Variants in CDKL3 observed in about 807,000 individuals in gnomAD.
CDKL3 encodes cyclin dependent kinase like 3.
Under a neutral mutation model 69.3 loss-of-function variants are expected in CDKL3, and 65 were observed. That is an observed-to-expected ratio of 0.94 (90% CI 0.77 to 1.15). CDKL3 has a LOEUF of 1.15. Ranked by LOEUF, CDKL3 falls within the 50% of genes most tolerant of loss-of-function variation. CDKL3 has a pLI of 0.00. For synonymous variants in CDKL3, 202 were observed against 221.6 expected, an observed-to-expected ratio of 0.91 and a Z score of 0.79; for missense variants, 652 against 689.2, an observed-to-expected ratio of 0.95 and a Z score of 0.61.
intron 10 of CDKL3, among the ~76,000 whole-genome samples, chr5:134,304,861 G>A (rs1767356792): frequency 6.7e-6 from 1 of 149,518 alleles, no homozygotes; most frequent in South Asian, 2.1e-4. Flanking sequence ...TATTTTGAGT[G>A]CATTGGCATG....
intron 8 of CDKL3, among the ~76,000 whole-genome samples, chr5:134,288,228 A>G (rs1764962066): frequency 1.3e-5 from 2 of 152,192 alleles, no homozygotes; most frequent in South Asian, 4.1e-4. Context: ...CTAACACTCA[A>G]AAACTCTGAG....
intron 4 of CDKL3, among the ~76,000 whole-genome samples, chr5:134,324,563 A>G (rs1773617970): frequency 6.6e-6 from 1 of 152,206 alleles, no homozygotes; most frequent in Non-Finnish European, 1.5e-5. Flanking sequence ...GGAACCTTAA[A>G]TATATATTGC....
intron 6 of CDKL3, chr5:134,319,096 G>A (rs925497228): frequency 4.9e-5 from 12 of 242,516 alleles, no homozygotes; most frequent in South Asian, 1.2e-4. Context: ...CGAGGTGGGC[G>A]GATCACCTAA....
At chr5:134,285,040 T>C (rs184733316), downstream of CDKL3, among the ~76,000 whole-genome samples, 8 of 152,334 alleles carry the variant, frequency 5.3e-5, no homozygotes, top group East Asian at 1.3e-3. Flanking sequence ...AGAGTATTGA[T>C]TGGGGAAGTG....
Position 134,310,278 on chromosome 5 carries a change from C to G in CDKL3, c.882-1551G>C, listed in dbSNP as rs1012463947. 2.0e-5 allele frequency among the ~76,000 whole-genome samples: 3 copies of G among 150,938 alleles called. No homozygotes were observed. In the South Asian group the frequency reaches 6.3e-4, roughly 32 times the overall value. On this transcript the variant is annotated intron_variant, in intron 7 of 12. Coordinates refer to ENST00000265334, the MANE Select transcript of CDKL3 (RefSeq NM_001113575.2). Reference sequence around the variant, plus strand: ...TCCACTCACTGCAAGCTCTGCCTCCCGTGTTCACACCATTCTCCTGCCTCA... The same window carrying G: ...TCCACTCACTGCAAGCTCTGCCTCCGGTGTTCACACCATTCTCCTGCCTCA...
chr5:134,287,036 A>G (rs1764900334), intron 8 of CDKL3, among the ~76,000 whole-genome samples: 1 of 152,208 alleles, frequency 6.6e-6, no homozygotes, highest in Non-Finnish European at 1.5e-5. Context: ...CTCTCAAGGA[A>G]CAGGGAAGAG....
intron 3 of CDKL3, among the ~76,000 whole-genome samples, chr5:134,354,226 C>T (rs1754007927): frequency 6.6e-6 from 1 of 152,160 alleles, no homozygotes; most frequent in African/African-American, 2.4e-5. Context: ...TCCGTGAGGG[C>T]AATATACACA....
intron 3 of CDKL3, among the ~76,000 whole-genome samples, chr5:134,356,248 A>G (rs138653419): frequency 3.0e-4 from 45 of 152,300 alleles, no homozygotes; most frequent in African/African-American, 1.0e-3. Context: ...TCGCACTCCT[A>G]TAAGAATTTA....
At position 134,366,967 on chromosome 5, in the gene CDKL3, G is replaced by A; in HGVS notation, c.-22+10C>T. The stretch of plus-strand genomic sequence containing the variant: ...CCGCAACTCAAACCACACGTCTTAG[G>A]ATGCCGGACCGGCGTCACGCCCCAC... On this transcript the variant is annotated intron_variant, in intron 1 of 12. Transcript: ENST00000265334. The A allele has an allele frequency of 1.3e-5, 13 of 989,618 alleles. No homozygotes were observed. Among genetic ancestry groups the A allele is most frequent in the Non-Finnish European group, 1.6e-5 (13 of 832,664 alleles). 61.3% of individuals were successfully genotyped at this position (989,618 alleles called of 1,614,324 possible). A position where few individuals can be genotyped will look rare whatever the true frequency, so the allele number is the denominator to read the frequency against.
chr5:134,370,514 T>C (rs1465918036), upstream of CDKL3, among the ~76,000 whole-genome samples: 2 of 152,232 alleles, frequency 1.3e-5, no homozygotes, highest in Non-Finnish European at 2.9e-5. Flanking sequence ...CTCATTGATA[T>C]GCTTGGAAGA....
chr5:134,337,403 T>C (rs1435877360), intron 4 of CDKL3, among the ~76,000 whole-genome samples: 1 of 152,190 alleles, frequency 6.6e-6, no homozygotes, highest in Non-Finnish European at 1.5e-5. Context: ...GGTACCTTAG[T>C]TGGAAATGCA....
chr5:134,288,524 T>G (rs1764979302), intron 8 of CDKL3, among the ~76,000 whole-genome samples: 1 of 152,222 alleles, frequency 6.6e-6, no homozygotes, highest in Non-Finnish European at 1.5e-5. Flanking sequence ...TGGTGACCAG[T>G]GCACAGATAC....
In CDKL3 at chr5:134,366,509, T is replaced by G; in HGVS notation, c.15A>C (p.Glu5Asp). MEMY[E>D]TLGKVGEGSY... ...TTCCCTCTCCCACTTTTCCAAGGGT[T>G]TCATACATCTCCATTTTCAAGCTGG... The change falls in exon 2 of 13, where the codon GAA (glutamate) becomes GAC (aspartate). Residue 5 changes from glutamate to aspartate, a missense_variant. Coordinates refer to ENST00000265334, the MANE Select transcript of CDKL3 (RefSeq NM_001113575.2). The G allele has an allele frequency of 6.2e-7, 1 of 1,601,272 alleles. No homozygotes were observed. Among genetic ancestry groups the G allele is most frequent in the South Asian group, 1.1e-5 (1 of 87,656 alleles).
intron 1 of CDKL3, 146 bp downstream of exon 1, chr5:134,366,831 A>C: frequency 1.1e-6 from 1 of 908,138 alleles, no homozygotes. Flanking sequence ...ACCATCCATC[A>C]AGCATGGGGT....
At chr5:134,368,927 G>A (rs3756741), upstream of CDKL3, among the ~76,000 whole-genome samples, 20,451 of 152,016 alleles carry the variant, frequency 0.13, 1,658 homozygotes, top group African/African-American at 0.21. Flanking sequence ...CTACTTGGGC[G>A]TCTGAAGGAG....
chr5:134,326,053 G>A (rs1026230873), intron 4 of CDKL3, among the ~76,000 whole-genome samples: 2 of 151,348 alleles, frequency 1.3e-5, no homozygotes, highest in African/African-American at 2.4e-5. Context: ...GATTACAGGC[G>A]TGAGCCACTG....
At chr5:134,316,183 C>T (rs890544680) in intron 6 of CDKL3, among the ~76,000 whole-genome samples, 2 of 152,192 alleles carry the variant, frequency 1.3e-5, no homozygotes, top group African/African-American at 2.4e-5. Flanking sequence ...AATTCCTGGG[C>T]TCAAGTGATC....
downstream of CDKL3, among the ~76,000 whole-genome samples, chr5:134,283,888 T>A (rs1277164922): frequency 1.3e-5 from 2 of 152,160 alleles, no homozygotes; most frequent in Admixed American, 6.5e-5. Flanking sequence ...CCATTCTGAA[T>A]GGGAGACATT....
intron 4 of CDKL3, among the ~76,000 whole-genome samples, chr5:134,322,957 C>G (rs1282102472): frequency 7.1e-6 from 1 of 140,850 alleles, no homozygotes; most frequent in East Asian, 2.0e-4. Flanking sequence ...CTAGCCTGGG[C>G]AACAAGAGCA....
Sources: allele counts gnomAD v4.1 joint callset (sites outside exome capture counted in the v4.1 genomes callset), GRCh38; gene constraint gnomAD v4.1.1; transcripts MANE v1.5; gene names NCBI Gene and HGNC (gene_info 2026-07-23, HGNC 2026-07-21).